LMX1A: variants seen among roughly 807,000 people sequenced by gnomAD.
LMX1A encodes LIM homeobox transcription factor 1-alpha.
In LMX1A, 15 loss-of-function variants were observed where a neutral mutation model predicts 49.1. The ratio of observed to expected loss-of-function variants is 0.31; its 90% CI spans 0.20 to 0.47. LMX1A has a LOEUF of 0.47. Ranked by LOEUF, LMX1A falls within the 20% of genes least tolerant of loss-of-function variation. LMX1A has a pLI of 1.00. For missense variants in LMX1A, 372 were observed against 475.8 expected, an observed-to-expected ratio of 0.78 and a Z score of 2.03; for synonymous variants, 167 against 185.7, an observed-to-expected ratio of 0.90 and a Z score of 0.82.
chr1:165,207,972 T>C (rs1308705863), intron 7 of LMX1A, 91 bp downstream of exon 7: 23 of 1,075,940 alleles, frequency 2.1e-5, no homozygotes, highest in Non-Finnish European at 2.8e-5. Context: ...TGAGTCCAGA[T>C]ATGTCATCCA....
Position 165,292,755 on chromosome 1 carries a change from G to T in LMX1A, c.264-43115C>A, listed in dbSNP as rs981760582. Among the ~76,000 whole-genome samples the T allele has an allele frequency of 2.6e-5, 4 of 152,228 alleles. No individual in the cohort carries two copies. In the East Asian group the frequency reaches 7.7e-4, roughly 29 times the overall value. ...GCAGATAAACAAATAACAACCCAGG[G>T]CTATAGATTTTCCACTCTAGTCTGT... is the stretch of plus-strand genomic sequence containing the variant. On this transcript the variant is annotated intron_variant, in intron 3 of 8. Transcript: ENST00000342310.
At chr1:165,238,102 G>T (rs1040958228) in intron 4 of LMX1A, among the ~76,000 whole-genome samples, 3 of 152,218 alleles carry the variant, frequency 2.0e-5, no homozygotes, top group African/African-American at 7.2e-5. Flanking sequence ...AAGGTGGATA[G>T]ACAGAAGCAC....
chr1:165,320,517 TTTG>T (rs57214758), intron 3 of LMX1A, among the ~76,000 whole-genome samples: 5,464 of 152,306 alleles, frequency 0.036, 325 homozygotes, highest in African/African-American at 0.12. Flanking sequence ...TGCATTAAGC[TTTG>T]GTCACTGGCC....
intron 4 of LMX1A, among the ~76,000 whole-genome samples, chr1:165,236,505 T>C (rs993708541): frequency 2.0e-5 from 3 of 152,074 alleles, no homozygotes; most frequent in African/African-American, 7.2e-5. Flanking sequence ...AATTTCTGTA[T>C]TGCATGGGAC....
At position 165,214,010 on chromosome 1, in the gene LMX1A, A is replaced by G. The variant is rs556519904; in HGVS notation, c.497-197T>C. Among the ~76,000 whole-genome samples the G allele has an allele frequency of 8.5e-5, 13 of 152,348 alleles. No homozygotes were observed. In the East Asian group the frequency reaches 2.5e-3, roughly 29 times the overall value. ...CTTCTAAAACCCAGAGACAGGCAGC[A>G]GAAAGTCCACCATTACACTTCAGGC... On this transcript the variant is annotated intron_variant, in intron 4 of 8. Coordinates refer to ENST00000342310, the MANE Select transcript of LMX1A (RefSeq NM_177398.4).
At chr1:165,342,774 T>C (rs73019164) in intron 3 of LMX1A, among the ~76,000 whole-genome samples, 120 of 151,970 alleles carry the variant, frequency 7.9e-4, no homozygotes, top group African/African-American at 2.8e-3. Flanking sequence ...TGGGGACTTG[T>C]TTTCCAAGAG....
chr1:165,243,594 C>T (rs1442509503), intron 4 of LMX1A, among the ~76,000 whole-genome samples: 1 of 152,164 alleles, frequency 6.6e-6, no homozygotes, highest in East Asian at 1.9e-4. Flanking sequence ...AAGGAAAAGA[C>T]AAAACTTAGA....
chr1:165,248,688 T>G (rs1487260556), intron 4 of LMX1A, among the ~76,000 whole-genome samples: 2 of 152,130 alleles, frequency 1.3e-5, no homozygotes, highest in Non-Finnish European at 2.9e-5. Flanking sequence ...AAGCCTTAGA[T>G]AGATTCCATC....
intron 3 of LMX1A, among the ~76,000 whole-genome samples, chr1:165,258,878 G>GCAAGTTACA (rs933447598): frequency 1.3e-5 from 2 of 152,176 alleles, no homozygotes; most frequent in Admixed American, 1.3e-4. Context: ...CTATCTTTAA[G>GCAAGTTACA]AACTTGAGCA....
intron 8 of LMX1A, among the ~76,000 whole-genome samples, chr1:165,204,873 G>C (rs1264637490): frequency 6.6e-6 from 1 of 152,208 alleles, no homozygotes; most frequent in African/African-American, 2.4e-5. Flanking sequence ...GAAGCCAAGA[G>C]GGTGGCTATC....
intron 8 of LMX1A, 121 bp from the exon 9 acceptor site, chr1:165,204,161 C>T: frequency 4.8e-6 from 5 of 1,041,266 alleles, no homozygotes; most frequent in Non-Finnish European, 5.6e-6. Flanking sequence ...AAACTTTCTA[C>T]AAAAAGTCTA....
At chr1:165,296,045 C>G (rs1195907905) in intron 3 of LMX1A, among the ~76,000 whole-genome samples, 1 of 152,092 alleles carries the variant, frequency 6.6e-6, no homozygotes, top group African/African-American at 2.4e-5. Flanking sequence ...TTTAGCAATC[C>G]CACTCAAAAT....
chr1:165,249,451 C>T lies in LMX1A; in HGVS notation c.453G>A (p.Glu151=), dbSNP rs1652974172. ...GGCTCACCAGGCTGAGCAGCTCCCG[C>T]TCCTTCTCATAGTCCCCTTTGCAGA... is the stretch of plus-strand genomic sequence containing the variant. ...QLLCKGDYEK[E]RELLSLVSPA... is the part of the protein sequence containing the mutation. The change falls in exon 4 of 9, where the codon GAG becomes GAA. Residue 151 remains glutamate, a synonymous_variant. Transcript: ENST00000342310. 1 of 1,614,178 alleles carries T rather than the reference C, an allele frequency of 6.2e-7. No individual in the cohort carries two copies. The highest frequency in any genetic ancestry group is 1.1e-5 in the South Asian group (1 of 91,082).
chr1:165,240,634 T>A (rs1281970478), intron 4 of LMX1A, among the ~76,000 whole-genome samples: 1 of 152,200 alleles, frequency 6.6e-6, no homozygotes, highest in African/African-American at 2.4e-5. Flanking sequence ...TGGAAGGACA[T>A]AAATAGATTA....
chr1:165,299,105 A>T (rs1654704284), intron 3 of LMX1A, among the ~76,000 whole-genome samples: 1 of 152,238 alleles, frequency 6.6e-6, no homozygotes, highest in Non-Finnish European at 1.5e-5. Flanking sequence ...AACAAAACCC[A>T]GCATCCTTCT....
chr1:165,345,719 G>A (rs997625875), intron 3 of LMX1A, among the ~76,000 whole-genome samples: 2 of 152,176 alleles, frequency 1.3e-5, no homozygotes, highest in African/African-American at 4.8e-5. Context: ...TCACATGACT[G>A]TTATTTTGTG....
intron 4 of LMX1A, among the ~76,000 whole-genome samples, chr1:165,226,883 A>C (rs116683960): frequency 4.6e-5 from 7 of 152,328 alleles, no homozygotes; most frequent in African/African-American, 1.7e-4. Flanking sequence ...TATTCATCTA[A>C]ACATATTTGT....
chr1:165,264,530 T>G (rs773535018), intron 3 of LMX1A, among the ~76,000 whole-genome samples: 24 of 151,886 alleles, frequency 1.6e-4, no homozygotes, highest in Non-Finnish European at 2.4e-4. Flanking sequence ...ACCATGGAAA[T>G]AAATAATGAC....
chr1:165,347,868 C>G (rs1330390), intron 3 of LMX1A, among the ~76,000 whole-genome samples: 81,192 of 151,994 alleles, frequency 0.53, 22,712 homozygotes, highest in East Asian at 0.75. Context: ...CACTATGACC[C>G]AAATAATTTC....
Sources: allele counts gnomAD v4.1 joint callset (sites outside exome capture counted in the v4.1 genomes callset), GRCh38; gene constraint gnomAD v4.1.1; transcripts MANE v1.5; gene names NCBI Gene and HGNC (gene_info 2026-07-23, HGNC 2026-07-21).